EPHA6: variants seen among roughly 807,000 people sequenced by gnomAD.
The protein encoded by EPHA6 is ephrin type-A receptor 6.
In EPHA6, 50 loss-of-function variants were observed where a neutral mutation model predicts 112.0. That is an observed-to-expected ratio of 0.45 (90% confidence interval 0.36 to 0.56). The LOEUF (loss-of-function observed/expected upper bound fraction) is 0.56, where lower values mean the gene tolerates loss of function less well. Ranked by LOEUF, EPHA6 falls within the 20% of genes least tolerant of loss-of-function variation. The pLI, the probability that EPHA6 is intolerant of heterozygous loss-of-function variation, is 0.00. For synonymous variants in EPHA6, 529 were observed against 490.7 expected (o/e 1.08, Z -1.03); for missense variants, 1,280 against 1,417.4 (o/e 0.90, Z 1.56).
intron 2 of EPHA6, among the ~76,000 whole-genome samples, chr3:96,911,472 A>G (rs2039209674): frequency 6.6e-6 from 1 of 152,182 alleles, no homozygotes; most frequent in South Asian, 2.1e-4. Flanking sequence ...TGAAAAATGC[A>G]GACAAGCTTT....
intron 3 of EPHA6, among the ~76,000 whole-genome samples, chr3:97,058,295 T>TG (rs1553696389): frequency 4.5e-4 from 68 of 151,734 alleles, no homozygotes; most frequent in Non-Finnish European, 7.8e-4. Context: ...GAGTTTTTTT[T>TG]TTGTTGTTGT....
chr3:97,564,824 AG>A (rs1438681577), intron 11 of EPHA6, among the ~76,000 whole-genome samples: 35 of 152,296 alleles, frequency 2.3e-4, no homozygotes, highest in African/African-American at 7.7e-4. Context: ...ATACACTCTA[AG>A]GCCAATTGCT....
intron 6 of EPHA6, among the ~76,000 whole-genome samples, chr3:97,407,704 A>G (rs1389621403): frequency 1.3e-5 from 2 of 152,042 alleles, no homozygotes; most frequent in Non-Finnish European, 2.9e-5. Context: ...GGAAGTCAAG[A>G]AAAGTTACAA....
intron 5 of EPHA6, among the ~76,000 whole-genome samples, chr3:97,258,831 C>G (rs1031316692): frequency 2.6e-5 from 4 of 152,118 alleles, no homozygotes; most frequent in Non-Finnish European, 4.4e-5. Flanking sequence ...GATGAGCAAG[C>G]AAATGCTCAA....
chr3:97,040,264 C>T (rs2045266494), intron 3 of EPHA6, among the ~76,000 whole-genome samples: 1 of 151,782 alleles, frequency 6.6e-6, no homozygotes, highest in Non-Finnish European at 1.5e-5. Context: ...CCCTGTGTGT[C>T]TTAAGTCTCA....
chr3:97,342,723 G>C (rs1298078538), intron 5 of EPHA6, among the ~76,000 whole-genome samples: 1 of 151,958 alleles, frequency 6.6e-6, no homozygotes, highest in Non-Finnish European at 1.5e-5. Flanking sequence ...TTCTCTCTCT[G>C]TGTCCCTTTG....
At position 97,621,563 on chromosome 3, in the gene EPHA6, A is replaced by AG. The variant is rs368685264; in HGVS notation, c.2574+10711dup. ...TAAAGGTAGTTACTAAATGCAAACC[A>AG]GGATATTTCCTAAGAAGAAAGTTGA... On this transcript the variant is annotated intron_variant, in intron 13 of 17. Coordinates refer to ENST00000389672, the MANE Select transcript of EPHA6 (RefSeq NM_001080448.3). 2.5e-3 allele frequency among the ~76,000 whole-genome samples: 378 copies of AG among 152,008 alleles called. 1 individual carries two copies. The highest frequency in any genetic ancestry group is 8.4e-3 in the African/African-American group (348 of 41,550).
chr3:97,340,618 T>G (rs1470564647), intron 5 of EPHA6, among the ~76,000 whole-genome samples: 1 of 152,154 alleles, frequency 6.6e-6, no homozygotes, highest in African/African-American at 2.4e-5. Context: ...TCTGGGTGGC[T>G]AAAACATTTA....
intron 3 of EPHA6, among the ~76,000 whole-genome samples, chr3:97,163,246 A>G (rs547381727): frequency 6.6e-6 from 1 of 152,292 alleles, no homozygotes; most frequent in South Asian, 2.1e-4. Context: ...TCTTCTGTCC[A>G]TTAAACCAAG....
chr3:97,084,703 G>A (rs897014977), intron 3 of EPHA6, among the ~76,000 whole-genome samples: 1 of 151,878 alleles, frequency 6.6e-6, no homozygotes, highest in Non-Finnish European at 1.5e-5. Context: ...AGGAGGTGAA[G>A]GATTTCTGCA....
chr3:97,510,267 C>T (rs1002994465), intron 10 of EPHA6, among the ~76,000 whole-genome samples: 2 of 152,166 alleles, frequency 1.3e-5, no homozygotes, highest in African/African-American at 2.4e-5. Flanking sequence ...GGAGAATTCT[C>T]ACTCTAGTTT....
chr3:97,363,228 AT>A (rs1411923025), intron 5 of EPHA6, among the ~76,000 whole-genome samples: 16 of 76,294 alleles, frequency 2.1e-4, no homozygotes, highest in Admixed American at 5.4e-4. Context: ...ATATATATAT[AT>A]ATATATATAA....
intron 14 of EPHA6, 51 bp from the exon 15 acceptor site, chr3:97,720,210 G>A: frequency 6.9e-7 from 1 of 1,443,240 alleles, no homozygotes; most frequent in South Asian, 1.6e-5. Context: ...ATACCATTTT[G>A]TTTTTAATAC....
chr3:97,010,191 A>T, intron 3 of EPHA6: 1 of 759,690 alleles, frequency 1.3e-6, no homozygotes, highest in Non-Finnish European at 1.8e-6. Flanking sequence ...GTTGGTATGA[A>T]ATATGGGTTC....
intron 14 of EPHA6, among the ~76,000 whole-genome samples, chr3:97,654,370 C>T (rs1353545623): frequency 6.6e-6 from 1 of 151,858 alleles, no homozygotes; most frequent in Non-Finnish European, 1.5e-5. Flanking sequence ...TCTGTGAGTA[C>T]CTACTGTTTT....
At chr3:97,674,794 T>A (rs2031202060) in intron 14 of EPHA6, among the ~76,000 whole-genome samples, 1 of 152,226 alleles carries the variant, frequency 6.6e-6, no homozygotes, top group African/African-American at 2.4e-5. Context: ...AAATCACAAC[T>A]TTGTAAGCCA....
intron 5 of EPHA6, among the ~76,000 whole-genome samples, chr3:97,265,643 CG>C (rs1457937001): frequency 6.6e-6 from 1 of 152,174 alleles, no homozygotes; most frequent in Non-Finnish European, 1.5e-5. Flanking sequence ...CAGAGAAGCC[CG>C]GGTCCTCTGC....
chr3:96,866,812 T>C lies in EPHA6; in HGVS notation c.386-13T>C. ...AGAAATTCATGGAATTTTTATTTTC[T>C]ATTTAATTCCAGTTGTGTTGCTTGA... On this transcript the variant is annotated splice_polypyrimidine_tract_variant and intron_variant, in intron 1 of 17. Transcript: ENST00000389672. 7.0e-7 allele frequency: 1 copy of C among 1,422,952 alleles called. No individual in the cohort carries two copies. Among genetic ancestry groups the C allele is most frequent in the South Asian group, 1.6e-5 (1 of 62,232 alleles). 88.1% of individuals were successfully genotyped at this position (1,422,952 alleles called of 1,614,324 possible).
intron 15 of EPHA6, among the ~76,000 whole-genome samples, chr3:97,721,251 C>T (rs1187779319): frequency 6.6e-6 from 1 of 152,102 alleles, no homozygotes; most frequent in Non-Finnish European, 1.5e-5. Context: ...ACACTATTGC[C>T]ACATCTCATT....
Sources: gnomAD v4.1 joint callset for allele counts (sites outside exome capture counted in the v4.1 genomes callset) on GRCh38, gnomAD v4.1.1 for gene constraint, MANE v1.5 for transcripts, NCBI Gene and HGNC (gene_info 2026-07-23, HGNC 2026-07-21) for gene names.